SRBD1: variants seen among roughly 807,000 people sequenced by gnomAD.
SRBD1 encodes S1 RNA binding domain 1, also known as S1 RNA-binding domain-containing protein 1.
In SRBD1, 88 loss-of-function variants were observed where a neutral mutation model predicts 115.3. That is an observed-to-expected ratio of 0.76 (90% confidence interval 0.64 to 0.91). The LOEUF is 0.91. Among genes scored for constraint, SRBD1 ranks in the 40% least tolerant of loss-of-function variants. The pLI, the probability that SRBD1 is intolerant of heterozygous loss-of-function variation, is 0.00. For missense variants in SRBD1, 1,385 were observed against 1,177.4 expected (o/e 1.18, Z -2.58); for synonymous variants, 509 against 407.7 (o/e 1.25, Z -2.99).
chr2:45,547,542 CT>C lies in SRBD1; in HGVS notation c.1745del (p.Lys582ArgfsTer5). ...CATACTTGAAATTCAGCAAAAGTGT[CT>C]TTATTTTCTCCGCCTCTCGGAAGCC... is the stretch of plus-strand genomic sequence containing the variant. Reference protein sequence around the residue: ...GQGFREAEKIKTLLLNFNCST... With the variant: ...GQGFREAEKIXTLLLNFNCST... On this transcript the variant is annotated frameshift_variant, in exon 13 of 21. Transcript: ENST00000263736. LOFTEE classifies it high-confidence loss of function. 1 of 1,613,660 alleles carries C rather than the reference CT, an allele frequency of 6.2e-7. No homozygotes were observed. The highest frequency in any genetic ancestry group is 8.5e-7 in the Non-Finnish European group (1 of 1,179,722).
intron 15 of SRBD1, among the ~76,000 whole-genome samples, chr2:45,483,352 C>A (rs1165292992): frequency 6.6e-6 from 1 of 151,990 alleles, no homozygotes; most frequent in Non-Finnish European, 1.5e-5. Flanking sequence ...GGGAAGGGAT[C>A]CCAGACTGAG....
At chr2:45,462,769 T>C (rs1223419920) in intron 16 of SRBD1, among the ~76,000 whole-genome samples, 2 of 151,682 alleles carry the variant, frequency 1.3e-5, no homozygotes, top group Non-Finnish European at 2.9e-5. Flanking sequence ...GAGCTTGCAG[T>C]GAGCTGAGAT....
At position 45,389,371 on chromosome 2, in the gene SRBD1, T is replaced by C; in HGVS notation, c.2927A>G (p.Gln976Arg). The C allele has an allele frequency of 1.9e-6, 3 of 1,614,060 alleles. No homozygotes were observed. Among genetic ancestry groups the C allele is most frequent in the Non-Finnish European group, 2.5e-6 (3 of 1,179,964 alleles). ...GLGPGERVEV[Q>R]VLNIDIPRSR... ...TCGGGGGATGTCAATGTTGAGTACT[T>C]GGACTTCCACTCTTTCTCCGGGGCC... is the stretch of plus-strand genomic sequence containing the variant. The change falls in exon 21 of 21, where the codon CAA (glutamine) becomes CGA (arginine). Residue 976 changes from glutamine (Q) to arginine (R), a missense_variant. Transcript: ENST00000263736.
chr2:45,415,579 AAAC>A (rs1460548407), intron 18 of SRBD1, among the ~76,000 whole-genome samples: 98 of 143,686 alleles, frequency 6.8e-4, no homozygotes, highest in African/African-American at 2.4e-3. Flanking sequence ...ATAGGTTAAA[AAAC>A]AAAAATATAC....
At chr2:45,536,279 G>A (rs1671759953) in intron 14 of SRBD1, among the ~76,000 whole-genome samples, 1 of 151,712 alleles carries the variant, frequency 6.6e-6, no homozygotes, top group Admixed American at 6.6e-5. Context: ...AAACTTTCTT[G>A]TATGAATGAC....
rs1318426647 is a variant in SRBD1, at chr2:45,549,056, GGGGA to G, written c.1676-1448_1676-1445del. Reference sequence around the variant, plus strand: ...GAAACTGAGAGAGATTCAGCACAAAGGGGATCCAGTACTTCTGAAAGGATTGGAA... The same window carrying G: ...GAAACTGAGAGAGATTCAGCACAAAGTCCAGTACTTCTGAAAGGATTGGAA... On this transcript the variant is annotated intron_variant, in intron 12 of 20. Transcript: ENST00000263736. The G allele has an allele frequency of 2.0e-5, 3 of 152,350 alleles. No individual in the cohort carries two copies. In the East Asian group the frequency reaches 5.8e-4, roughly 29 times the overall value. The allele number at this position is 152,350 out of a possible 1,614,324, so 9.4% of individuals were successfully genotyped here.
At chr2:45,528,289 C>T (rs1171602049) in intron 14 of SRBD1, among the ~76,000 whole-genome samples, 1 of 151,656 alleles carries the variant, frequency 6.6e-6, no homozygotes, top group Non-Finnish European at 1.5e-5. Context: ...TAGGTTGAGG[C>T]CAGCTCATGA....
At chr2:45,417,306 T>C (rs1240823149) in intron 18 of SRBD1, among the ~76,000 whole-genome samples, 2 of 152,232 alleles carry the variant, frequency 1.3e-5, no homozygotes, top group African/African-American at 2.4e-5. Flanking sequence ...CCTTCACACA[T>C]ATTGAATTAC....
At chr2:45,480,319 C>G (rs752458863) in intron 15 of SRBD1, among the ~76,000 whole-genome samples, 2 of 152,070 alleles carry the variant, frequency 1.3e-5, no homozygotes, top group African/African-American at 4.8e-5. Flanking sequence ...GGGCAAAGTA[C>G]GTTGAAAATC....
At chr2:45,487,129 C>T (rs1474619877) in intron 15 of SRBD1, among the ~76,000 whole-genome samples, 1 of 152,088 alleles carries the variant, frequency 6.6e-6, no homozygotes, top group Non-Finnish European at 1.5e-5. Flanking sequence ...CGTAAGAACG[C>T]TTTTAGCTTT....
chr2:45,560,945 T>TAAA (rs35692321), intron 10 of SRBD1, among the ~76,000 whole-genome samples: 1 of 118,964 alleles, frequency 8.4e-6, no homozygotes, highest in Admixed American at 8.4e-5. Context: ...ATCTCTTAAA[T>TAAA]AAAAAAAAAA....
chr2:45,539,239 T>TAA (rs879828430), intron 14 of SRBD1, among the ~76,000 whole-genome samples: 2 of 143,812 alleles, frequency 1.4e-5, no homozygotes, highest in Non-Finnish European at 3.1e-5. Flanking sequence ...ATTTTTTTGC[T>TAA]AAAAAAAAAA....
intron 7 of SRBD1, 58 bp downstream of exon 7, chr2:45,579,817 T>C: frequency 8.9e-6 from 13 of 1,457,316 alleles, no homozygotes; most frequent in Non-Finnish European, 1.2e-5. Flanking sequence ...AACATACGTT[T>C]TTAAATTAAA....
chr2:45,427,724 T>C (rs1000482625), intron 16 of SRBD1, among the ~76,000 whole-genome samples: 2 of 152,164 alleles, frequency 1.3e-5, no homozygotes, highest in East Asian at 1.9e-4. Context: ...AATAAAATAC[T>C]GGCAAACCGA....
At chr2:45,514,045 C>G (rs771395278) in intron 14 of SRBD1, among the ~76,000 whole-genome samples, 1 of 152,100 alleles carries the variant, frequency 6.6e-6, no homozygotes, top group Admixed American at 6.6e-5. Flanking sequence ...CACCTATCAA[C>G]TGTGAACAAC....
intron 14 of SRBD1, among the ~76,000 whole-genome samples, chr2:45,508,734 C>T (rs1670871506): frequency 1.3e-5 from 2 of 151,904 alleles, no homozygotes; most frequent in African/African-American, 4.8e-5. Flanking sequence ...AACTTTTTTT[C>T]TTAGAGGAAA....
intron 16 of SRBD1, among the ~76,000 whole-genome samples, chr2:45,450,914 G>T (rs1179906878): frequency 6.6e-6 from 1 of 152,128 alleles, no homozygotes; most frequent in Non-Finnish European, 1.5e-5. Context: ...CTGAGCATAA[G>T]TGGGAACTCC....
intron 9 of SRBD1, among the ~76,000 whole-genome samples, chr2:45,570,857 C>G (rs535048314): frequency 6.6e-6 from 1 of 152,032 alleles, no homozygotes; most frequent in Admixed American, 6.6e-5. Flanking sequence ...ATTTCACATG[C>G]CTTGGAACTT....
At chr2:45,502,913 G>C (rs1670680626) in intron 14 of SRBD1, among the ~76,000 whole-genome samples, 1 of 152,052 alleles carries the variant, frequency 6.6e-6, no homozygotes, top group Non-Finnish European at 1.5e-5. Flanking sequence ...CCAAACTCCA[G>C]GGCTCAAGCA....
Sources: gnomAD v4.1 joint callset for allele counts (sites outside exome capture counted in the v4.1 genomes callset) on GRCh38, gnomAD v4.1.1 for gene constraint, MANE v1.5 for transcripts, NCBI Gene and HGNC (gene_info 2026-07-23, HGNC 2026-07-21) for gene names.